The following RYR1 variants were observed in gnomAD, a reference collection of about 807,000 sequenced individuals.
RYR1 encodes ryanodine receptor 1.
A neutral mutation model predicts 583.5 loss-of-function variants in RYR1; 342 were observed. The observed-to-expected ratio is 0.59, with a 90% confidence interval of 0.54 to 0.64. The LOEUF is 0.64. RYR1 is among the 30% of genes least tolerant of loss of function. The pLI is 0.00. For synonymous variants in RYR1, 2,791 were observed against 2,822.5 expected, an observed-to-expected ratio of 0.99 and a Z score of 0.35; for missense variants, 6,032 against 6,917.2, an observed-to-expected ratio of 0.87 and a Z score of 4.54.
At chr19:38,465,637 G>A (rs908590654) in intron 23 of RYR1, among the ~76,000 whole-genome samples, 1 of 152,120 alleles carries the variant, frequency 6.6e-6, no homozygotes, top group African/African-American at 2.4e-5. Flanking sequence ...GGTGGCACAT[G>A]CCTGTAATCC....
At position 38,499,168 on chromosome 19, in the gene RYR1, T is replaced by C; in HGVS notation, c.6952T>C (p.Tyr2318His). 1.2e-6 allele frequency: 2 copies of C among 1,614,152 alleles called. No individual in the cohort carries two copies. Residue 2318 changes from tyrosine to histidine, a missense_variant, in exon 43 of 106, where the codon TAC becomes CAC. By Grantham distance (83) the Tyr-to-His change is moderately conservative. Transcript: ENST00000359596. The surrounding 1 kb of genome is among the most constrained non-coding windows in gnomAD (Gnocchi z 7.3). ...CTGCCCCATGCTTGTGGCCAAAGGG[T>C]ACCCAGACATTGGCTGGAACCCCTG... is the stretch of plus-strand genomic sequence containing the variant. ...QSCPMLVAKG[Y>H]PDIGWNPCGG...
At chr19:38,549,009 G>T (rs952959828) in intron 89 of RYR1, among the ~76,000 whole-genome samples, 2 of 152,148 alleles carry the variant, frequency 1.3e-5, no homozygotes, top group Non-Finnish European at 2.9e-5. Flanking sequence ...AATAAACATT[G>T]GCTGGCTTTC....
Position 38,490,171 on chromosome 19 carries a change from G to C in RYR1, c.5910G>C (p.Gln1970His), listed in dbSNP as rs1555780327. ...CGGAGCGCTATGTGGACAAGCTCCAGGCCAACCAGCGGAGCCGCTATGGCC... is the reference window on the plus strand; with the variant it reads ...CGGAGCGCTATGTGGACAAGCTCCACGCCAACCAGCGGAGCCGCTATGGCC... ...AFAERYVDKL[Q>H]ANQRSRYGLL... Residue 1970 changes from glutamine to histidine, a missense_variant, in exon 36 of 106, where the codon CAG becomes CAC. Coordinates refer to ENST00000359596, the MANE Select transcript of RYR1 (RefSeq NM_000540.3). The C allele has an allele frequency of 6.2e-7, 1 of 1,614,236 alleles. No individual in the cohort carries two copies.
intron 7 of RYR1, among the ~76,000 whole-genome samples, chr19:38,445,222 CAA>C (rs61419525): frequency 0.2 from 9,214 of 46,910 alleles, 193 homozygotes; most frequent in South Asian, 0.3. Context: ...GACTCTGCCT[CAA>C]AAAAAAAAAA....
chr19:38,455,575 G>T lies in RYR1; in HGVS notation c.1672+29G>T, dbSNP rs2288889. On this transcript the variant is annotated intron_variant, in intron 15 of 105. Transcript: ENST00000359596. Reference sequence around the variant, plus strand: ...GGAGAACCCGGGGGAGTGGGACAGAGGCTTGTGGGAGGGGATGGGCATGGC... The same window carrying T: ...GGAGAACCCGGGGGAGTGGGACAGATGCTTGTGGGAGGGGATGGGCATGGC... 7.2e-5 allele frequency: 116 copies of T among 1,612,626 alleles called. 2 individuals are homozygous for T. In the Middle Eastern group the frequency reaches 9.9e-4, roughly 14 times the overall value.
At chr19:38,441,021 G>A (rs1020283992) in intron 2 of RYR1, among the ~76,000 whole-genome samples, 157 bp downstream of exon 2, 3 of 151,740 alleles carry the variant, frequency 2.0e-5, no homozygotes, top group Non-Finnish European at 4.4e-5. Flanking sequence ...CCTGAGGTGG[G>A]GAGGGGTGGA....
At chr19:38,509,450 A>ATTTTTTT (rs534650223) in intron 58 of RYR1, among the ~76,000 whole-genome samples, 3 of 104,368 alleles carry the variant, frequency 2.9e-5, no homozygotes, top group African/African-American at 7.2e-5. Context: ...TATTATTATT[A>ATTTTTTT]TTTTTTTTTT....
intron 31 of RYR1, among the ~76,000 whole-genome samples, chr19:38,480,475 A>C (rs751050779): frequency 2.0e-4 from 31 of 152,092 alleles, no homozygotes; most frequent in Non-Finnish European, 4.0e-4. Context: ...CTTCCCTTCC[A>C]CACCCACTGG....
Position 38,577,948 on chromosome 19 carries a change from C to A in RYR1, c.14203C>A (p.Arg4735=). The A allele has an allele frequency of 6.2e-7, 1 of 1,614,080 alleles. No homozygotes were observed. Among genetic ancestry groups the A allele is most frequent in the Non-Finnish European group, 8.5e-7 (1 of 1,180,018 alleles). ...GGACAAACATGGGGACATCTACGGG[C>A]GGGAGCGGATTGCTGAGCTACTGGG... ...VLDKHGDIYG[R]ERIAELLGMD... Residue 4735 remains arginine (R), a synonymous_variant, in exon 98 of 106, where the codon CGG becomes AGG. Transcript: ENST00000359596.
chr19:38,479,122 C>T (rs1173109168), intron 31 of RYR1, among the ~76,000 whole-genome samples: 1 of 152,200 alleles, frequency 6.6e-6, no homozygotes, highest in Non-Finnish European at 1.5e-5. Context: ...AGCTGGGTGA[C>T]ACCAGTCACC....
intron 97 of RYR1, 71 bp from the exon 98 acceptor site, chr19:38,577,847 A>AC: frequency 6.3e-7 from 1 of 1,599,306 alleles, no homozygotes; most frequent in Non-Finnish European, 8.5e-7. Context: ...TGTCCCCAGA[A>AC]CCCCCTTGCA....
At chr19:38,502,774 CAGGGGCAGGGGCAG>C in intron 48 of RYR1, 47 bp downstream of exon 48, 1 of 733,718 alleles carries the variant, frequency 1.4e-6, no homozygotes, top group Non-Finnish European at 2.0e-6. Flanking sequence ...GGGGCAGGGG[CAGGGGCAGGGGCAG>C]GGGCAGGGGC....
Position 38,535,213 on chromosome 19 carries a change from T to A in RYR1, c.11432T>A (p.Val3811Asp), listed in dbSNP as rs1401980921. 1.2e-6 allele frequency: 2 copies of A among 1,613,874 alleles called. No homozygotes were observed. Among genetic ancestry groups the A allele is most frequent in the Non-Finnish European group, 1.7e-6 (2 of 1,179,970 alleles). Residue 3811 changes from valine (V) to aspartate (D), a missense_variant, in exon 80 of 106, where the codon GTC becomes GAC. Coordinates refer to ENST00000359596, the MANE Select transcript of RYR1 (RefSeq NM_000540.3). Reference protein sequence around the residue: ...ISILNGGNAEVQQKMLDYLKD... With the variant: ...ISILNGGNAEDQQKMLDYLKD... ...ATCCTCAATGGAGGCAATGCTGAGG[T>A]CCAGCAGGTAACAGAGGCAAAGGGA...
Position 38,483,383 on chromosome 19 carries a change from C to T in RYR1, c.4801C>T (p.Pro1601Ser). 1 of 1,566,986 alleles carries T rather than the reference C, an allele frequency of 6.4e-7. No homozygotes were observed. Among genetic ancestry groups the T allele is most frequent in the Non-Finnish European group, 8.6e-7 (1 of 1,156,726 alleles). Reference protein sequence around the residue: ...PPRLEMQMLMPVSWSRMPNHF... With the variant: ...PPRLEMQMLMSVSWSRMPNHF... ...GCGGCTGGAGATGCAGATGCTGATG[C>T]CAGTGTCCTGGAGCCGCATGCCCAA... The change falls in exon 33 of 106, where the codon CCA becomes TCA. Residue 1601 changes from proline to serine, a missense_variant. By Grantham distance (74) the Pro-to-Ser change is moderately conservative. This residue lies in a region of RYR1 where 2,627 missense variants were observed against 2,961.3 expected (regional missense o/e 0.89). Coordinates refer to ENST00000359596, the MANE Select transcript of RYR1 (RefSeq NM_000540.3). This position sits in a 1 kb window ranked among gnomAD's most constrained non-coding sequence, Gnocchi z 6.3.
Position 38,519,337 on chromosome 19 carries a change from T to G in RYR1, c.10142T>G (p.Leu3381Arg). ...GTGTCCGAGGAGGAGCAGCTGCGCC[T>G]GGAGGCCAAGGCGGAGGCCCAGGAG... is the stretch of plus-strand genomic sequence containing the variant. ...KVVSEEEQLR[L>R]EAKAEAQEGE... is the part of the protein sequence containing the mutation. The change falls in exon 67 of 106, where the codon CTG becomes CGG. Residue 3381 changes from leucine (L) to arginine (R), a missense_variant. Physicochemically the swap from Leu to Arg is moderately radical, Grantham distance 102. Transcript: ENST00000359596. 6.2e-7 allele frequency: 1 copy of G among 1,613,340 alleles called. No homozygotes were observed. The highest frequency in any genetic ancestry group is 8.5e-7 in the Non-Finnish European group (1 of 1,179,666).
At chr19:38,465,764 CA>C (rs542272790) in intron 23 of RYR1, among the ~76,000 whole-genome samples, 37 of 144,488 alleles carry the variant, frequency 2.6e-4, no homozygotes, top group Admixed American at 1.9e-3. Context: ...AACTCCGTAT[CA>C]AAAAAAAAAC....
At chr19:38,452,562 C>G (rs1967131341) in intron 12 of RYR1, among the ~76,000 whole-genome samples, 1 of 152,336 alleles carries the variant, frequency 6.6e-6, no homozygotes, top group Non-Finnish European at 1.5e-5. Flanking sequence ...ACCCCTGACA[C>G]CCAGAGCCTG....
At chr19:38,475,481 C>A (rs777863874) in intron 29 of RYR1, 31 bp downstream of exon 29, 3 of 1,611,788 alleles carry the variant, frequency 1.9e-6, no homozygotes, top group South Asian at 1.1e-5. Flanking sequence ...ATTTTGGGGT[C>A]CCCCCGCATA....
At chr19:38,575,768 A>C in intron 96 of RYR1, 151 bp from the exon 97 acceptor site, 1 of 800,584 alleles carries the variant, frequency 1.2e-6, no homozygotes, top group Non-Finnish European at 2.1e-6. Flanking sequence ...ACACCACTGC[A>C]CTCCAGCCTG....
Sources: gnomAD v4.1 joint callset for allele counts (sites outside exome capture counted in the v4.1 genomes callset) on GRCh38, gnomAD v4.1.1 for gene constraint, gnomAD v4.1.1 regional missense constraint, Gnocchi (gnomAD v3.1) non-coding constraint, MANE v1.5 for transcripts, NCBI Gene and HGNC (gene_info 2026-07-23, HGNC 2026-07-21) for gene names.